Variants in WDPCP observed in about 807,000 individuals in gnomAD.
WDPCP encodes WD repeat containing planar cell polarity effector, also known as WD repeat-containing and planar cell polarity effector protein fritz homolog.
Under a neutral mutation model 93.1 loss-of-function variants are expected in WDPCP, and 71 were observed. The ratio of observed to expected loss-of-function variants is 0.76; its 90% CI spans 0.63 to 0.93. The LOEUF is 0.93. Among genes scored for constraint, WDPCP ranks in the 40% least tolerant of loss-of-function variants. WDPCP has a pLI of 0.00. For synonymous variants in WDPCP, 315 were observed against 315.0 expected (o/e 1.00, Z 0.00); for missense variants, 844 against 887.4 (o/e 0.95, Z 0.62).
At chr2:63,270,452 A>C (rs1046196311) in intron 13 of WDPCP, among the ~76,000 whole-genome samples, 1 of 152,016 alleles carries the variant, frequency 6.6e-6, no homozygotes, top group Middle Eastern at 3.4e-3. Flanking sequence ...GATTTTAGCC[A>C]TTTATATTTT....
At chr2:63,666,177 T>C (rs1157254131) in intron 2 of WDPCP, among the ~76,000 whole-genome samples, 1 of 152,236 alleles carries the variant, frequency 6.6e-6, no homozygotes, top group Non-Finnish European at 1.5e-5. Context: ...AATAGAACAC[T>C]TCAGACATTT....
rs751101950 is a variant in WDPCP at position 63,474,736 on chromosome 2, C to T, written c.384+9868G>A. ...ATTCATTAGTTCAGTGTTGGGTTCA[C>T]GTGTTTATTTTATGACACATGAAAA... On this transcript the variant is annotated intron_variant, in intron 6 of 17. Coordinates refer to ENST00000272321, the MANE Select transcript of WDPCP (RefSeq NM_015910.7). Among the ~76,000 whole-genome samples, 24 of 152,088 alleles carry T rather than the reference C, an allele frequency of 1.6e-4. 1 individual carries two copies. Among genetic ancestry groups the T allele is most frequent in the South Asian group, 4.1e-4 (2 of 4,822 alleles).
chr2:63,391,481 C>T (rs779689876), intron 10 of WDPCP, among the ~76,000 whole-genome samples: 32 of 152,080 alleles, frequency 2.1e-4, no homozygotes, highest in African/African-American at 7.2e-4. Context: ...AAAACCGGCA[C>T]GAGACAAGGA....
chr2:63,688,053 A>C (rs1668835708), intron 2 of WDPCP, among the ~76,000 whole-genome samples: 1 of 152,218 alleles, frequency 6.6e-6, no homozygotes, highest in African/African-American at 2.4e-5. Flanking sequence ...ATGGAACTGG[A>C]GATCATTATA....
intron 1 of WDPCP, among the ~76,000 whole-genome samples, chr2:63,534,923 T>C (rs1328190617): frequency 2.0e-5 from 3 of 152,088 alleles, no homozygotes; most frequent in Non-Finnish European, 4.4e-5. Flanking sequence ...GTCAAATTGT[T>C]CCTGTTTGCA....
At chr2:63,840,342 A>G in the WDPCP span, among the ~76,000 whole-genome samples, 1 of 152,230 alleles carries the variant, frequency 6.6e-6, no homozygotes, top group Non-Finnish European at 1.5e-5. Flanking sequence ...TCAAGAATCT[A>G]CCAAAAGAAA....
At chr2:63,599,031 C>T (rs1575723384) in intron 3 of WDPCP, 2 of 590,632 alleles carry the variant, frequency 3.4e-6, no homozygotes, top group Non-Finnish European at 2.7e-6. Context: ...ATGCATTTTC[C>T]TATGCTATAT....
chr2:63,481,937 T>G (rs1558692130), intron 6 of WDPCP, among the ~76,000 whole-genome samples: 1 of 150,152 alleles, frequency 6.7e-6, no homozygotes, highest in Non-Finnish European at 1.5e-5. Flanking sequence ...GGAGAAAAAA[T>G]AAGTAAACAT....
At chr2:63,601,932 C>G (rs1212391014) in intron 3 of WDPCP, among the ~76,000 whole-genome samples, 1 of 152,212 alleles carries the variant, frequency 6.6e-6, no homozygotes, top group Non-Finnish European at 1.5e-5. Flanking sequence ...TTCCCCAGTT[C>G]TTTCTGGTCA....
At chr2:63,126,729 T>C in intron 17 of WDPCP, among the ~76,000 whole-genome samples, 1 of 147,454 alleles carries the variant, frequency 6.8e-6, no homozygotes, top group East Asian at 2.0e-4. Flanking sequence ...TGGAGAACAG[T>C]GGCACAATTA....
intron 17 of WDPCP, among the ~76,000 whole-genome samples, chr2:63,127,658 T>A (rs1670005430): frequency 1.1e-5 from 1 of 89,500 alleles, no homozygotes; most frequent in Non-Finnish European, 2.2e-5. Context: ...TGTATGTGTA[T>A]GTGCATATAT....
chr2:63,147,687 G>A (rs117371062), intron 17 of WDPCP, among the ~76,000 whole-genome samples: 2 of 152,284 alleles, frequency 1.3e-5, no homozygotes, highest in East Asian at 3.9e-4. Flanking sequence ...CAGCCTAATA[G>A]GCTGGGTGCG....
chr2:63,656,581 G>A (rs1464838811), intron 2 of WDPCP, among the ~76,000 whole-genome samples: 2 of 152,204 alleles, frequency 1.3e-5, no homozygotes, highest in African/African-American at 2.4e-5. Flanking sequence ...CAGGAGCCAT[G>A]TATAGAATGG....
chr2:63,807,579 A>C (rs1670787717), intron 2 of WDPCP, among the ~76,000 whole-genome samples: 1 of 152,228 alleles, frequency 6.6e-6, no homozygotes, highest in South Asian at 2.1e-4. Flanking sequence ...ATGGCAATGC[A>C]AGTGGAATAA....
chr2:63,776,261 G>A (rs1670301596), intron 2 of WDPCP, among the ~76,000 whole-genome samples: 1 of 151,336 alleles, frequency 6.6e-6, no homozygotes, highest in African/African-American at 2.4e-5. Context: ...TAAAGGAATT[G>A]TATCCAGAAT....
chr2:63,605,525 T>A, intron 3 of WDPCP: 1 of 678,250 alleles, frequency 1.5e-6, no homozygotes, highest in Non-Finnish European at 2.5e-6. Context: ...TATTAACAAG[T>A]AAACTTCGGG....
chr2:63,205,924 C>T (rs185953009), intron 14 of WDPCP, among the ~76,000 whole-genome samples: 43 of 152,244 alleles, frequency 2.8e-4, no homozygotes, highest in South Asian at 6.2e-4. Context: ...GAAAGGCTTT[C>T]GTTTTTTTCT....
chr2:63,460,205 CA>C (rs1698912754), intron 6 of WDPCP, among the ~76,000 whole-genome samples: 1 of 151,920 alleles, frequency 6.6e-6, no homozygotes. Flanking sequence ...AACTGGAGGT[CA>C]GTATGTTAAA....
chr2:63,607,947 A>T (rs1396281774), intron 3 of WDPCP, among the ~76,000 whole-genome samples: 1 of 152,188 alleles, frequency 6.6e-6, no homozygotes, highest in Non-Finnish European at 1.5e-5. Flanking sequence ...GGCTAGAAAG[A>T]TAAAGCATAA....
Sources: gnomAD v4.1 joint callset for allele counts (sites outside exome capture counted in the v4.1 genomes callset) on GRCh38, gnomAD v4.1.1 for gene constraint, MANE v1.5 for transcripts, NCBI Gene and HGNC (gene_info 2026-07-23, HGNC 2026-07-21) for gene names.